Variants in ACAD11 observed in about 807,000 individuals in gnomAD.
ACAD11 encodes the protein acyl-CoA dehydrogenase family member 11, also known as acyl-Coenzyme A dehydrogenase family, member 11.
Under a neutral mutation model 102.2 loss-of-function variants are expected in ACAD11, and 83 were observed. That is an observed-to-expected ratio of 0.81 (90% CI 0.68 to 0.97). The LOEUF (loss-of-function observed/expected upper bound fraction) is 0.97. ACAD11 is among the 50% of genes least tolerant of loss of function. The pLI is 0.00. For synonymous variants in ACAD11, 324 were observed against 319.8 expected (o/e 1.01, Z -0.14); for missense variants, 901 against 951.7 (o/e 0.95, Z 0.70).
In ACAD11 at chr3:132,580,209, T is replaced by C. The variant is rs1176182602; in HGVS notation, c.1622-651A>G. ...CTCAAACAAATGATCGGATTCTTTTTTCTGATTTATTATAAAAAGAGGTTT... is the reference window on the plus strand; with the variant it reads ...CTCAAACAAATGATCGGATTCTTTTCTCTGATTTATTATAAAAAGAGGTTT... On this transcript the variant is annotated intron_variant, in intron 13 of 19. Coordinates refer to ENST00000264990, the MANE Select transcript of ACAD11 (RefSeq NM_032169.5). Among the ~76,000 whole-genome samples, 3 of 152,080 alleles carry C rather than the reference T, an allele frequency of 2.0e-5. No homozygotes were observed. The East Asian group carries it at 5.8e-4, about 29-fold the overall frequency.
In ACAD11 at chr3:132,618,665, A is replaced by G. The variant is rs1408163768; in HGVS notation, c.1383T>C (p.Phe461=). 1.9e-6 allele frequency: 3 copies of G among 1,606,746 alleles called. No individual in the cohort carries two copies. Among genetic ancestry groups the G allele is most frequent in the Non-Finnish European group, 2.5e-6 (3 of 1,177,164 alleles). Residue 461 remains phenylalanine, a synonymous_variant, in exon 11 of 20, where the codon TTT becomes TTC. Coordinates refer to ENST00000264990, the MANE Select transcript of ACAD11 (RefSeq NM_032169.5). ...LIAEETGKCF[F]APDVFNCQAP... is the part of the protein sequence containing the mutation. The stretch of plus-strand genomic sequence containing the variant: ...CTTGGCAGTTAAAGACATCTGGAGC[A>G]AAAAAGCATTTTCCTGTTTCTTCAG...
chr3:132,614,118 G>T (rs574563648), intron 11 of ACAD11, among the ~76,000 whole-genome samples: 158 of 151,900 alleles, frequency 1.0e-3, no homozygotes, highest in African/African-American at 3.7e-3. Context: ...ACTTATAAGG[G>T]ATGTGAAGGA....
intron 2 of ACAD11, among the ~76,000 whole-genome samples, chr3:132,643,336 C>T (rs1043508402): frequency 3.3e-5 from 5 of 152,148 alleles, no homozygotes; most frequent in African/African-American, 1.2e-4. Context: ...TTTCCTGGCA[C>T]TCAGGACTGC....
At position 132,562,954 on chromosome 3, in the gene ACAD11, T is replaced by C. The variant is rs138535405; in HGVS notation, c.2002-1737A>G. Among the ~76,000 whole-genome samples the C allele has an allele frequency of 1.9e-3, 295 of 152,360 alleles. 3 individuals carry two copies. The highest frequency in any genetic ancestry group is 6.7e-3 in the African/African-American group (280 of 41,578). On this transcript the variant is annotated intron_variant, in intron 17 of 19. Transcript: ENST00000264990. ...GTTTTCTTCTAAAAGTTTACAGCTT[T>C]ACCTTTTACATTTAGATCTATGATC...
chr3:132,642,219 A>G (rs1176948937), intron 3 of ACAD11, 86 bp from the exon 4 acceptor site: 8 of 1,290,890 alleles, frequency 6.2e-6, no homozygotes, highest in African/African-American at 5.9e-5. Context: ...TTTGTGAAAC[A>G]TATTTAATAT....
At chr3:132,587,400 T>C (rs552471865) in intron 13 of ACAD11, among the ~76,000 whole-genome samples, 11 of 152,322 alleles carry the variant, frequency 7.2e-5, no homozygotes, top group African/African-American at 2.6e-4. Context: ...CATTATGTTA[T>C]TAAGCCCAGT....
At position 132,659,654 on chromosome 3, in the gene ACAD11, A is replaced by G; in HGVS notation, c.98T>C (p.Leu33Ser). The change falls in exon 1 of 20, where the codon TTG (leucine) becomes TCG (serine). Residue 33 changes from leucine (L) to serine (S), a missense_variant. Leu to Ser is a moderately radical substitution (Grantham distance 145). Coordinates refer to ENST00000264990, the MANE Select transcript of ACAD11 (RefSeq NM_032169.5). ...CTCACGTTCGGCCCCAAAGCCAGACAAGTGCTGGTTTAGGTAGGCCTCCAG... is the reference window on the plus strand; with the variant it reads ...CTCACGTTCGGCCCCAAAGCCAGACGAGTGCTGGTTTAGGTAGGCCTCCAG... Reference protein sequence around the residue: ...KSLEAYLNQHLSGFGAEREAT... With the variant: ...KSLEAYLNQHSSGFGAEREAT... 6.2e-7 allele frequency: 1 copy of G among 1,611,532 alleles called. No individual in the cohort carries two copies. The highest frequency in any genetic ancestry group is 8.5e-7 in the Non-Finnish European group (1 of 1,178,878).
intron 13 of ACAD11, among the ~76,000 whole-genome samples, chr3:132,581,713 A>G (rs1937601070): frequency 6.6e-6 from 1 of 152,052 alleles, no homozygotes; most frequent in East Asian, 1.9e-4. Flanking sequence ...TGTGACATGA[A>G]TTTAATATAT....
intron 14 of ACAD11, chr3:132,579,197 A>T: frequency 2.6e-6 from 2 of 782,732 alleles, no homozygotes; most frequent in Non-Finnish European, 3.7e-6. Context: ...TAATCACTTC[A>T]TTACACAGGT....
intron 9 of ACAD11, among the ~76,000 whole-genome samples, chr3:132,624,969 G>A (rs1224936165): frequency 6.6e-6 from 1 of 152,174 alleles, no homozygotes; most frequent in Non-Finnish European, 1.5e-5. Flanking sequence ...ACAGGCTTGA[G>A]CCAGCACACT....
chr3:132,630,804 C>T (rs1025794035), intron 6 of ACAD11, among the ~76,000 whole-genome samples: 2 of 152,176 alleles, frequency 1.3e-5, no homozygotes, highest in African/African-American at 2.4e-5. Flanking sequence ...AGGCCAGTCA[C>T]GATGGCTCAT....
At position 132,599,236 on chromosome 3, in the gene ACAD11, G is replaced by A. The variant is rs148138463; in HGVS notation, c.1621+3993C>T. 2.0e-3 allele frequency among the ~76,000 whole-genome samples: 311 copies of A among 152,200 alleles called. 3 individuals carry two copies. The highest frequency in any genetic ancestry group is 7.2e-3 in the African/African-American group (297 of 41,530). On this transcript the variant is annotated intron_variant, in intron 13 of 19. Transcript: ENST00000264990. ...TAAAATTTAAAAATAGGCTGGGCTC[G>A]GTGGCTCACGCCTGTAATCCCAGCA...
intron 4 of ACAD11, among the ~76,000 whole-genome samples, chr3:132,639,951 A>G (rs971668273): frequency 6.6e-6 from 1 of 151,870 alleles, no homozygotes; most frequent in African/African-American, 2.4e-5. Flanking sequence ...TGTAGAAGAA[A>G]AAAAAAGAAT....
intron 8 of ACAD11, chr3:132,627,205 C>T (rs567537228): frequency 3.2e-5 from 5 of 156,534 alleles, no homozygotes; most frequent in South Asian, 1.9e-4. Flanking sequence ...GGAGCCTGGC[C>T]TCTTTAGCTC....
intron 12 of ACAD11, 79 bp downstream of exon 12, chr3:132,605,019 A>C (rs189784962): frequency 9.3e-7 from 1 of 1,078,626 alleles, no homozygotes; most frequent in East Asian, 2.5e-5. Flanking sequence ...ACAGAACCAC[A>C]TCCTGTATTT....
At chr3:132,610,906 C>A (rs1416066497) in intron 11 of ACAD11, among the ~76,000 whole-genome samples, 2 of 152,084 alleles carry the variant, frequency 1.3e-5, no homozygotes, top group Non-Finnish European at 2.9e-5. Context: ...CAAAGCCTGG[C>A]AGAGACACAA....
At chr3:132,599,737 A>T (rs1025596511) in intron 13 of ACAD11, among the ~76,000 whole-genome samples, 1 of 152,106 alleles carries the variant, frequency 6.6e-6, no homozygotes, top group African/African-American at 2.4e-5. Flanking sequence ...GATGATTAGA[A>T]GATAGTGGTG....
At chr3:132,612,498 G>C (rs1351100539) in intron 11 of ACAD11, among the ~76,000 whole-genome samples, 2 of 151,910 alleles carry the variant, frequency 1.3e-5, no homozygotes, top group Non-Finnish European at 2.9e-5. Context: ...CTAATATCCA[G>C]AATCTACAAT....
At position 132,619,052 on chromosome 3, in the gene ACAD11, A is replaced by T. The variant is rs532219526; in HGVS notation, c.1276-280T>A. 8 of 339,114 alleles carry T rather than the reference A, an allele frequency of 2.4e-5. No individual in the cohort carries two copies. The Admixed American group carries it at 3.8e-4, about 16-fold the overall frequency. 21.0% of individuals were successfully genotyped at this position (339,114 alleles called of 1,614,324 possible). A position where few individuals can be genotyped will look rare whatever the true frequency, so the allele number is the denominator to read the frequency against. On this transcript the variant is annotated intron_variant, in intron 10 of 19. Coordinates refer to ENST00000264990, the MANE Select transcript of ACAD11 (RefSeq NM_032169.5). ...GAGAACTTCTTCTGGAATCAGAACT[A>T]TTACAAAATCTCCCACATTTGAGTA...
Sources: allele counts gnomAD v4.1 joint callset (sites outside exome capture counted in the v4.1 genomes callset), GRCh38; gene constraint gnomAD v4.1.1; transcripts MANE v1.5; gene names NCBI Gene and HGNC (gene_info 2026-07-23, HGNC 2026-07-21).